RFX2: variants seen among roughly 807,000 people sequenced by gnomAD.
RFX2 encodes DNA-binding protein RFX2.
Under a neutral mutation model 87.8 loss-of-function variants are expected in RFX2, and 20 were observed. The ratio of observed to expected loss-of-function variants is 0.23; its 90% CI spans 0.16 to 0.33. RFX2 has a LOEUF of 0.33. RFX2 is among the 10% of genes least tolerant of loss of function. The probability of loss-of-function intolerance (pLI) is 1.00; values close to 1 mark genes in which losing one functional copy is unlikely to be tolerated. For synonymous variants in RFX2, 397 were observed against 431.3 expected (o/e 0.92, Z 0.98); for missense variants, 767 against 1,012.3 (o/e 0.76, Z 3.29).
rs934728642 is a variant in RFX2 at position 6,004,040 on chromosome 19, G to C, written c.1500+161C>G. Among the ~76,000 whole-genome samples, 2 of 152,088 alleles carry C rather than the reference G, an allele frequency of 1.3e-5. No homozygotes were observed. The highest frequency in any genetic ancestry group is 2.9e-5 in the Non-Finnish European group (2 of 68,006). Reference sequence around the variant, plus strand: ...TGTTCCCCTTCCTGCCAGCACTGACGCGTCACCGGCAGTGTGCTCAGGGCT... The same window carrying C: ...TGTTCCCCTTCCTGCCAGCACTGACCCGTCACCGGCAGTGTGCTCAGGGCT... On this transcript the variant is annotated intron_variant, in intron 13 of 17. Coordinates refer to ENST00000303657, the MANE Select transcript of RFX2 (RefSeq NM_000635.4). The surrounding 1 kb of genome is among the most constrained non-coding windows in gnomAD (Gnocchi z 4.8).
In RFX2 at chr19:6,004,763, A is replaced by C. The variant is rs2086554625; in HGVS notation, c.1403-465T>G. Among the ~76,000 whole-genome samples the C allele has an allele frequency of 6.6e-6, 1 of 152,000 alleles. No homozygotes were observed. The highest frequency in any genetic ancestry group is 2.4e-5 in the African/African-American group (1 of 41,356). On this transcript the variant is annotated intron_variant, in intron 12 of 17. Coordinates refer to ENST00000303657, the MANE Select transcript of RFX2 (RefSeq NM_000635.4). The surrounding 1 kb of genome is among the most constrained non-coding windows in gnomAD (Gnocchi z 4.8). ...TTCTACCAACTTCCTAATTTATTTT[A>C]AAGTGGGTTAGAATAAGAAGCAAAT...
chr19:6,034,536 G>GT (rs982584095), intron 5 of RFX2, among the ~76,000 whole-genome samples: 2 of 151,780 alleles, frequency 1.3e-5, no homozygotes, highest in Non-Finnish European at 2.9e-5. Flanking sequence ...CAATTTTTAA[G>GT]TTTTTTGTAG....
At chr19:6,100,989 C>T (rs1441402338) in intron 1 of RFX2, among the ~76,000 whole-genome samples, 1 of 151,826 alleles carries the variant, frequency 6.6e-6, no homozygotes, top group African/African-American at 2.4e-5. Context: ...AAGATTTGCT[C>T]CTGAGACATA....
intron 1 of RFX2, among the ~76,000 whole-genome samples, chr19:6,069,733 A>C (rs962685729): frequency 6.6e-6 from 1 of 152,180 alleles, no homozygotes; most frequent in African/African-American, 2.4e-5. Flanking sequence ...CCAGGGGAAA[A>C]GTGTGTGCAA....
Position 5,997,079 on chromosome 19 carries a change from G to A in RFX2, c.1994C>T (p.Pro665Leu). ...HRVAEATGET[P>L]IAVMGEFNDL... ...CCTCACCTCTCCCATCACAGCGATC[G>A]GCGTCTCTCCGGTGGCCTCCGCGAC... is the stretch of plus-strand genomic sequence containing the variant. Residue 665 changes from proline to leucine, a missense_variant, in exon 16 of 18, where the codon CCG (proline) becomes CTG (leucine). Physicochemically the swap from Pro to Leu is moderately conservative, Grantham distance 98. Transcript: ENST00000303657. This position sits in a 1 kb window ranked among gnomAD's most constrained non-coding sequence, Gnocchi z 4.2. 1 of 1,612,116 alleles carries A rather than the reference G, an allele frequency of 6.2e-7. No homozygotes were observed. Among genetic ancestry groups the A allele is most frequent in the Non-Finnish European group, 8.5e-7 (1 of 1,179,804 alleles).
In RFX2 at chr19:5,993,525, T is replaced by C. The variant is rs180955291; in HGVS notation, c.*1310A>G. 3 of 152,360 alleles carry C rather than the reference T, an allele frequency of 2.0e-5. No individual in the cohort carries two copies. Among genetic ancestry groups the C allele is most frequent in the African/African-American group, 7.2e-5 (3 of 41,592 alleles). 9.4% of individuals were successfully genotyped at this position (152,360 alleles called of 1,614,324 possible). A position where few individuals can be genotyped will look rare whatever the true frequency, so the allele number is the denominator to read the frequency against. On this transcript the variant is annotated 3_prime_UTR_variant, in exon 18 of 18. Coordinates refer to ENST00000303657, the MANE Select transcript of RFX2 (RefSeq NM_000635.4). Reference sequence around the variant, plus strand: ...ACATTTGGGACTGAATATACTGCAATGTACACATTCATAAGAAACGTTCTA... The same window carrying C: ...ACATTTGGGACTGAATATACTGCAACGTACACATTCATAAGAAACGTTCTA...
intron 1 of RFX2, among the ~76,000 whole-genome samples, chr19:6,094,197 G>A (rs749170362): frequency 6.6e-6 from 1 of 152,068 alleles, no homozygotes; most frequent in Non-Finnish European, 1.5e-5. Context: ...GGTGGGAGGG[G>A]CAGAGGAGAG....
intron 7 of RFX2, among the ~76,000 whole-genome samples, chr19:6,015,753 G>A (rs148339716): frequency 2.6e-5 from 4 of 152,018 alleles, no homozygotes; most frequent in East Asian, 1.9e-4. Context: ...CTCTTGCCTC[G>A]GCCTCCCAAA....
chr19:6,002,698 G>A lies in RFX2; in HGVS notation c.1650+23C>T, dbSNP rs1187658866. 1 of 1,610,692 alleles carries A rather than the reference G, an allele frequency of 6.2e-7. No individual in the cohort carries two copies. Among genetic ancestry groups the A allele is most frequent in the Non-Finnish European group, 8.5e-7 (1 of 1,178,220 alleles). On this transcript the variant is annotated intron_variant, in intron 14 of 17. Transcript: ENST00000303657. This position sits in a 1 kb window ranked among gnomAD's most constrained non-coding sequence, Gnocchi z 6.7. ...CTGGAGGGCGGGAAGCCCGGGCCCT[G>A]GGGACGGTGTGGAGGAAGTCACCTG...
intron 6 of RFX2, among the ~76,000 whole-genome samples, chr19:6,025,531 C>A (rs2086875695): frequency 6.6e-6 from 1 of 151,972 alleles, no homozygotes; most frequent in Admixed American, 6.6e-5. Context: ...TTTTATTTTT[C>A]ATATATAACT....
rs555077241 is a variant in RFX2 at position 6,011,870 on chromosome 19, G to A, written c.899+1116C>T. Reference sequence around the variant, plus strand: ...ATTGCAATGTGGCCCCTGCCCTCAGGGGGGGCACTTGTGGAGGCACACTGG... The same window carrying A: ...ATTGCAATGTGGCCCCTGCCCTCAGAGGGGGCACTTGTGGAGGCACACTGG... On this transcript the variant is annotated intron_variant, in intron 8 of 17. Coordinates refer to ENST00000303657, the MANE Select transcript of RFX2 (RefSeq NM_000635.4). This position sits in a 1 kb window ranked among gnomAD's most constrained non-coding sequence, Gnocchi z 4.8. Among the ~76,000 whole-genome samples, 10 of 152,346 alleles carry A rather than the reference G, an allele frequency of 6.6e-5. No individual in the cohort carries two copies. Among genetic ancestry groups the A allele is most frequent in the African/African-American group, 9.6e-5 (4 of 41,592 alleles).
Position 6,050,302 on chromosome 19 carries a change from G to A in RFX2, c.-8-2798C>T, listed in dbSNP as rs1037351273. ...GGACCCAGTAAAAACCATGAGCTAT[G>A]AAAAGAAACAGGAAAGTGTAACATA... On this transcript the variant is annotated intron_variant, in intron 1 of 17. Transcript: ENST00000303657. This position sits in a 1 kb window ranked among gnomAD's most constrained non-coding sequence, Gnocchi z 4.6. Among the ~76,000 whole-genome samples the A allele has an allele frequency of 2.0e-5, 3 of 152,090 alleles. No homozygotes were observed. The highest frequency in any genetic ancestry group is 2.9e-5 in the Non-Finnish European group (2 of 67,998).
At chr19:6,107,550 C>G (rs8106862) in intron 1 of RFX2, among the ~76,000 whole-genome samples, 31,589 of 135,630 alleles carry the variant, frequency 0.23, 6,254 homozygotes, top group African/African-American at 0.56. Flanking sequence ...CTGGGAGGTG[C>G]ATGTTAAGGT....
At chr19:6,105,836 CCAA>C (rs1277148277) in intron 1 of RFX2, among the ~76,000 whole-genome samples, 1 of 151,958 alleles carries the variant, frequency 6.6e-6, no homozygotes, top group Non-Finnish European at 1.5e-5. Flanking sequence ...TTGATATGTA[CCAA>C]CGAGTTTGGG....
At chr19:6,086,780 A>T (rs1384062405) in intron 1 of RFX2, among the ~76,000 whole-genome samples, 1 of 152,198 alleles carries the variant, frequency 6.6e-6, no homozygotes, top group Non-Finnish European at 1.5e-5. Flanking sequence ...ATTATTTGCA[A>T]AGGGAATTTG....
intron 1 of RFX2, among the ~76,000 whole-genome samples, chr19:6,086,091 C>CAAAAAAAAAAAAA (rs11340459): frequency 1.7e-5 from 1 of 59,458 alleles, no homozygotes; most frequent in Non-Finnish European, 3.1e-5. Flanking sequence ...GATCCTGTCT[C>CAAAAAAAAAAAAA]AAAAAAAAAA....
intron 1 of RFX2, among the ~76,000 whole-genome samples, chr19:6,093,140 G>A (rs923243666): frequency 2.0e-5 from 3 of 152,200 alleles, no homozygotes; most frequent in Admixed American, 6.5e-5. Context: ...TCCCTGCCGC[G>A]AGTGGGCAAA....
intron 1 of RFX2, among the ~76,000 whole-genome samples, chr19:6,109,882 G>C (rs944310641): frequency 2.6e-5 from 4 of 151,856 alleles, no homozygotes; most frequent in Non-Finnish European, 5.9e-5. Flanking sequence ...CCAACTCAGA[G>C]ATCTGGGGAG....
At chr19:6,107,616 CAA>C (rs1156483792) in intron 1 of RFX2, among the ~76,000 whole-genome samples, 421 of 31,450 alleles carry the variant, frequency 0.013, no homozygotes, top group South Asian at 0.037. Flanking sequence ...GACCCTGTCT[CAA>C]AAAAAAAAAA....
Sources: gnomAD v4.1 joint callset for allele counts (sites outside exome capture counted in the v4.1 genomes callset) on GRCh38, gnomAD v4.1.1 for gene constraint, Gnocchi (gnomAD v3.1) non-coding constraint, MANE v1.5 for transcripts, NCBI Gene and HGNC (gene_info 2026-07-23, HGNC 2026-07-21) for gene names.